The following BAZ2B variants were observed in gnomAD, a reference collection of about 807,000 sequenced individuals.
BAZ2B encodes the protein bromodomain adjacent to zinc finger domain 2B.
BAZ2B carries 91 observed loss-of-function variants against 246.0 expected under a neutral mutation model. That is an observed-to-expected ratio of 0.37 (90% CI 0.31 to 0.44). The LOEUF (loss-of-function observed/expected upper bound fraction) is 0.44, where lower values mean the gene tolerates loss of function less well. Among genes scored for constraint, BAZ2B ranks in the 20% least tolerant of loss-of-function variants. The pLI is 1.00. For synonymous variants in BAZ2B, 855 were observed against 860.0 expected (o/e 0.99, Z 0.10); for missense variants, 2,332 against 2,533.7 (o/e 0.92, Z 1.71).
chr2:159,698,867 GA>G, the BAZ2B span, among the ~76,000 whole-genome samples: 1 of 152,138 alleles, frequency 6.6e-6, no homozygotes, highest in Non-Finnish European at 1.5e-5. Flanking sequence ...AACTTGAACT[GA>G]AGATTTTCTT....
intron 2 of BAZ2B, among the ~76,000 whole-genome samples, chr2:159,498,873 T>C (rs1254352649): frequency 6.6e-6 from 1 of 152,244 alleles, no homozygotes; most frequent in Non-Finnish European, 1.5e-5. Context: ...AATATTAACA[T>C]AAATAACGTT....
intron 2 of BAZ2B, among the ~76,000 whole-genome samples, chr2:159,530,639 C>T (rs1193824075): frequency 6.6e-6 from 1 of 152,032 alleles, no homozygotes; most frequent in Non-Finnish European, 1.5e-5. Context: ...GATATAAACT[C>T]TCCATTCATC....
At chr2:159,674,238 G>C in the BAZ2B span, among the ~76,000 whole-genome samples, 2 of 150,912 alleles carry the variant, frequency 1.3e-5, no homozygotes, top group African/African-American at 4.9e-5. Context: ...GGGAGTCTGA[G>C]ATGGGAGGAT....
the BAZ2B span, among the ~76,000 whole-genome samples, chr2:159,702,550 T>C: frequency 3.2e-3 from 483 of 152,352 alleles, no homozygotes; most frequent in Middle Eastern, 0.044. Context: ...TTTGTATTAT[T>C]ATCAGTAATA....
At chr2:159,676,324 T>C in the BAZ2B span, among the ~76,000 whole-genome samples, 1 of 152,168 alleles carries the variant, frequency 6.6e-6, no homozygotes, top group Admixed American at 6.5e-5. Context: ...TGATCCACCA[T>C]GCCTGGCTTC....
chr2:159,686,969 G>A, the BAZ2B span, among the ~76,000 whole-genome samples: 1 of 151,208 alleles, frequency 6.6e-6, no homozygotes. Context: ...GTCAACCCGG[G>A]TGGCGGAGCT....
At chr2:159,710,955 A>C in the BAZ2B span, 3 of 152,260 alleles carry the variant, frequency 2.0e-5, no homozygotes, top group Non-Finnish European at 4.4e-5. Context: ...ATGGAATGTA[A>C]TAGCTAACAA....
At chr2:159,685,225 T>A in the BAZ2B span, among the ~76,000 whole-genome samples, 2 of 152,224 alleles carry the variant, frequency 1.3e-5, no homozygotes, top group Non-Finnish European at 2.9e-5. Flanking sequence ...AATGTTGCAC[T>A]GAGGTTGTAG....
chr2:159,580,621 C>A (rs1266434377), intron 1 of BAZ2B, among the ~76,000 whole-genome samples: 1 of 152,082 alleles, frequency 6.6e-6, no homozygotes, highest in Non-Finnish European at 1.5e-5. Context: ...AATCCTAAGC[C>A]AAAAGAACAA....
chr2:159,371,178 T>C (rs2060813554), intron 27 of BAZ2B, among the ~76,000 whole-genome samples: 1 of 152,124 alleles, frequency 6.6e-6, no homozygotes, highest in African/African-American at 2.4e-5. Context: ...GGGCCCGCTC[T>C]GCCACCCAGG....
At chr2:159,571,867 C>A (rs770722546) in intron 1 of BAZ2B, among the ~76,000 whole-genome samples, 1 of 152,162 alleles carries the variant, frequency 6.6e-6, no homozygotes, top group East Asian at 1.9e-4. Context: ...CCCAAGATAA[C>A]AAACCCACTT....
At chr2:159,679,447 T>C in the BAZ2B span, among the ~76,000 whole-genome samples, 2 of 152,146 alleles carry the variant, frequency 1.3e-5, no homozygotes, top group Non-Finnish European at 2.9e-5. Flanking sequence ...AGAGTTTGTT[T>C]ATATATTCAT....
chr2:159,409,116 G>C (rs1352639780), intron 14 of BAZ2B, among the ~76,000 whole-genome samples: 1 of 151,360 alleles, frequency 6.6e-6, no homozygotes, highest in African/African-American at 2.4e-5. Context: ...TATCTTTTGT[G>C]GCTTAAGAAA....
At chr2:159,485,906 G>C (rs1243171152) in intron 2 of BAZ2B, among the ~76,000 whole-genome samples, 1 of 152,020 alleles carries the variant, frequency 6.6e-6, no homozygotes, top group African/African-American at 2.4e-5. Context: ...ACCTGATGGT[G>C]AGAAATTATC....
intron 33 of BAZ2B, among the ~76,000 whole-genome samples, chr2:159,335,192 A>G (rs1360159064): frequency 6.6e-6 from 1 of 152,314 alleles, no homozygotes; most frequent in East Asian, 1.9e-4. Flanking sequence ...TTTTAGAAGG[A>G]AAAAATATTT....
chr2:159,387,002 A>C (rs1041002401), intron 21 of BAZ2B, among the ~76,000 whole-genome samples: 2 of 152,186 alleles, frequency 1.3e-5, no homozygotes, highest in African/African-American at 4.8e-5. Context: ...TACCATGGAC[A>C]TACTTATAGG....
chr2:159,440,323 C>A (rs1051972141), intron 6 of BAZ2B, among the ~76,000 whole-genome samples: 6 of 151,980 alleles, frequency 3.9e-5, no homozygotes, highest in African/African-American at 1.4e-4. Flanking sequence ...AGAAATACAT[C>A]CTTTTATGAC....
chr2:159,372,385 T>G (rs759435871), intron 27 of BAZ2B, among the ~76,000 whole-genome samples: 3 of 152,218 alleles, frequency 2.0e-5, no homozygotes, highest in Non-Finnish European at 2.9e-5. Context: ...TTTGTCCCCA[T>G]CAGAATTTGG....
the BAZ2B span, among the ~76,000 whole-genome samples, chr2:159,629,007 G>A: frequency 6.6e-6 from 1 of 152,202 alleles, no homozygotes; most frequent in East Asian, 1.9e-4. Flanking sequence ...AAGTGGGGTG[G>A]GTGAAGGATG....
Sources: gnomAD v4.1 joint callset for allele counts (sites outside exome capture counted in the v4.1 genomes callset) on GRCh38, gnomAD v4.1.1 for gene constraint, MANE v1.5 for transcripts, NCBI Gene and HGNC (gene_info 2026-07-23, HGNC 2026-07-21) for gene names.